The following TRIM71 variants were observed in gnomAD, a reference collection of about 807,000 sequenced individuals.
TRIM71 encodes E3 ubiquitin-protein ligase TRIM71.
TRIM71 carries 9 observed loss-of-function variants against 61.2 expected under a neutral mutation model. The ratio of observed to expected loss-of-function variants is 0.15; its 90% confidence interval spans 0.09 to 0.26. The LOEUF is 0.26. Ranked by LOEUF, TRIM71 falls within the 10% of genes least tolerant of loss-of-function variation. TRIM71 has a pLI of 1.00. For synonymous variants in TRIM71, 645 were observed against 553.2 expected (o/e 1.17, Z -2.33); for missense variants, 998 against 1,238.7 (o/e 0.81, Z 2.92).
At chr3:32,888,199 TG>T (rs1222744577) in intron 3 of TRIM71, among the ~76,000 whole-genome samples, 1 of 152,184 alleles carries the variant, frequency 6.6e-6, no homozygotes, top group Non-Finnish European at 1.5e-5. Context: ...AGGGCTCTTT[TG>T]GAAATAATAC....
chr3:32,818,708 T>C lies in TRIM71; in HGVS notation c.628T>C (p.Ser210Pro), dbSNP rs774369384. ...SSCDEGNAAS[S>P]RCLDCQEHLC... ...GTGCGATGAGGGCAACGCAGCTTCT[T>C]CGCGCTGCCTCGACTGCCAGGAGCA... The change falls in exon 1 of 4, where the codon TCG becomes CCG. Residue 210 changes from serine (S) to proline (P), a missense_variant. This residue lies in a region of TRIM71 where 527 missense variants were observed against 427.8 expected (regional missense o/e 1.23). Transcript: ENST00000383763. 1 of 1,587,372 alleles carries C rather than the reference T, an allele frequency of 6.3e-7. No individual in the cohort carries two copies. The highest frequency in any genetic ancestry group is 1.3e-5 in the African/African-American group (1 of 74,700).
chr3:32,878,497 C>T (rs1161948917), intron 2 of TRIM71, among the ~76,000 whole-genome samples: 2 of 152,170 alleles, frequency 1.3e-5, no homozygotes, highest in African/African-American at 4.8e-5. Context: ...TGCCTGTAAT[C>T]CCAGCTACTT....
chr3:32,852,997 A>G (rs1696556087), intron 1 of TRIM71, among the ~76,000 whole-genome samples: 1 of 152,176 alleles, frequency 6.6e-6, no homozygotes, highest in Non-Finnish European at 1.5e-5. Context: ...AGATTTGGTT[A>G]CCAAGGAATA....
intron 1 of TRIM71, among the ~76,000 whole-genome samples, chr3:32,821,720 G>A (rs1432443486): frequency 6.6e-6 from 1 of 151,998 alleles, no homozygotes; most frequent in East Asian, 1.9e-4. Context: ...AATCCAAGGC[G>A]AGGAATCCGA....
In TRIM71 at chr3:32,877,023, T is replaced by C. The variant is rs1696858219; in HGVS notation, c.1020+3038T>C. Among the ~76,000 whole-genome samples, 3 of 152,072 alleles carry C rather than the reference T, an allele frequency of 2.0e-5. No individual in the cohort carries two copies. The South Asian group carries it at 6.2e-4, about 32-fold the overall frequency. On this transcript the variant is annotated intron_variant, in intron 2 of 3. Transcript: ENST00000383763. ...TCATGGGGCATTTTGGGTAGAGGCATTTTAGGTCTGTTAATCTATAACGCC... is the reference window on the plus strand; with the variant it reads ...TCATGGGGCATTTTGGGTAGAGGCACTTTAGGTCTGTTAATCTATAACGCC...
chr3:32,884,008 G>A (rs1696935008), intron 2 of TRIM71, among the ~76,000 whole-genome samples: 1 of 152,208 alleles, frequency 6.6e-6, no homozygotes, highest in African/African-American at 2.4e-5. Context: ...GATCTACCCA[G>A]TTCCCCTGTG....
At chr3:32,869,873 C>T (rs1696777450) in intron 1 of TRIM71, among the ~76,000 whole-genome samples, 1 of 152,188 alleles carries the variant, frequency 6.6e-6, no homozygotes, top group Non-Finnish European at 1.5e-5. Flanking sequence ...CGGATTGTCG[C>T]CAGGCCCGAG....
chr3:32,881,025 A>G (rs1344131381), intron 2 of TRIM71, among the ~76,000 whole-genome samples: 1 of 151,760 alleles, frequency 6.6e-6, no homozygotes, highest in Admixed American at 6.6e-5. Context: ...ATGTATATAT[A>G]TATATTTTTT....
chr3:32,864,021 T>C (rs558184854), intron 1 of TRIM71, among the ~76,000 whole-genome samples: 1 of 152,282 alleles, frequency 6.6e-6, no homozygotes, highest in East Asian at 1.9e-4. Flanking sequence ...CTGTTGTGTG[T>C]ATGTACCACG....
At chr3:32,876,372 T>G (rs1009217761) in intron 2 of TRIM71, among the ~76,000 whole-genome samples, 3 of 152,028 alleles carry the variant, frequency 2.0e-5, no homozygotes, top group African/African-American at 7.3e-5. Flanking sequence ...TCACCTGAGG[T>G]CAGGAGTTCG....
At chr3:32,860,222 G>A (rs1208666664) in intron 1 of TRIM71, among the ~76,000 whole-genome samples, 2 of 149,534 alleles carry the variant, frequency 1.3e-5, no homozygotes, top group Admixed American at 6.7e-5. Context: ...GCAATGGTGC[G>A]ATCTCTGCTC....
chr3:32,861,092 T>A (rs1696663586), intron 1 of TRIM71, among the ~76,000 whole-genome samples: 2 of 151,560 alleles, frequency 1.3e-5, no homozygotes, highest in African/African-American at 4.8e-5. Context: ...GGAGAATCGC[T>A]TGATCCCGGG....
intron 1 of TRIM71, among the ~76,000 whole-genome samples, chr3:32,825,803 G>A (rs1327181580): frequency 1.3e-5 from 2 of 152,088 alleles, no homozygotes; most frequent in Non-Finnish European, 2.9e-5. Flanking sequence ...AAGCATTGTG[G>A]CTTGCAAGAG....
At chr3:32,828,891 A>G (rs1232380342) in intron 1 of TRIM71, among the ~76,000 whole-genome samples, 1 of 152,106 alleles carries the variant, frequency 6.6e-6, no homozygotes, top group Non-Finnish European at 1.5e-5. Flanking sequence ...TGCCCAGTTC[A>G]CTGATCTTGA....
At chr3:32,837,590 T>C (rs1696349508) in intron 1 of TRIM71, among the ~76,000 whole-genome samples, 1 of 152,106 alleles carries the variant, frequency 6.6e-6, no homozygotes, top group African/African-American at 2.4e-5. Context: ...GAAGCCAAGG[T>C]GGACGAATCA....
intron 1 of TRIM71, among the ~76,000 whole-genome samples, chr3:32,853,149 C>T (rs1696558328): frequency 7.1e-6 from 1 of 140,094 alleles, no homozygotes; most frequent in Admixed American, 7.6e-5. Flanking sequence ...GACAGTCTCA[C>T]TCTGTCACCC....
Position 32,892,507 on chromosome 3 carries a change from C to A in TRIM71, c.*696C>A, listed in dbSNP as rs771669645. ...TTGATCTTAGACGTTGTGGCTGTGG[C>A]TTGCTAGCCAAGAAAAGCAGACCCT... On this transcript the variant is annotated 3_prime_UTR_variant, in exon 4 of 4. Transcript: ENST00000383763. The A allele has an allele frequency of 1.3e-5, 2 of 152,126 alleles. No homozygotes were observed. Among genetic ancestry groups the A allele is most frequent in the Non-Finnish European group, 2.9e-5 (2 of 68,034 alleles). The allele number at this position is 152,126 out of a possible 1,614,324, so 9.4% of individuals were successfully genotyped here.
intron 1 of TRIM71, among the ~76,000 whole-genome samples, chr3:32,836,012 T>C (rs1696330389): frequency 6.6e-6 from 1 of 152,222 alleles, no homozygotes; most frequent in Non-Finnish European, 1.5e-5. Flanking sequence ...TTATTTTGCC[T>C]TTTTCTGCTT....
intron 1 of TRIM71, among the ~76,000 whole-genome samples, chr3:32,839,320 T>C (rs552346575): frequency 2.0e-4 from 31 of 152,082 alleles, no homozygotes; most frequent in Admixed American, 1.6e-3. Flanking sequence ...AACCTCTGCC[T>C]CCCGGGTTCA....
Sources: allele counts gnomAD v4.1 joint callset (sites outside exome capture counted in the v4.1 genomes callset), GRCh38; gene constraint gnomAD v4.1.1; regional missense constraint gnomAD v4.1.1; transcripts MANE v1.5; gene names NCBI Gene and HGNC (gene_info 2026-07-23, HGNC 2026-07-21).